The following CLYBL variants were observed in gnomAD, a reference collection of about 807,000 sequenced individuals.
The protein encoded by CLYBL is citramalyl-CoA lyase.
CLYBL carries 31 observed loss-of-function variants against 38.9 expected under a neutral mutation model. That is an observed-to-expected ratio of 0.80 (90% CI 0.60 to 1.08). The LOEUF is 1.08. Among genes scored for constraint, CLYBL ranks in the 50% least tolerant of loss-of-function variants. The probability of loss-of-function intolerance (pLI) is 0.00; values close to 1 mark genes in which losing one functional copy is unlikely to be tolerated. For missense variants in CLYBL, 434 were observed against 411.6 expected, an observed-to-expected ratio of 1.05 and a Z score of -0.47; for synonymous variants, 171 against 158.6, an observed-to-expected ratio of 1.08 and a Z score of -0.59.
intron 1 of CLYBL, among the ~76,000 whole-genome samples, chr13:99,676,701 C>T (rs2047658289): frequency 6.6e-6 from 1 of 152,054 alleles, no homozygotes; most frequent in African/African-American, 2.4e-5. Context: ...TCAAGCGATT[C>T]TCCTGCCTCA....
At chr13:99,670,263 G>A (rs988453926) in intron 1 of CLYBL, among the ~76,000 whole-genome samples, 3 of 152,116 alleles carry the variant, frequency 2.0e-5, no homozygotes, top group Admixed American at 6.6e-5. Context: ...AGACTGAGGT[G>A]GGAGGATCAC....
intron 1 of CLYBL, among the ~76,000 whole-genome samples, chr13:99,631,164 A>G (rs2139233620): frequency 6.6e-6 from 1 of 152,278 alleles, no homozygotes; most frequent in Non-Finnish European, 1.5e-5. Context: ...TCCACAAAAA[A>G]TAGAAAAATT....
At chr13:99,875,163 A>G (rs1566363427) in intron 7 of CLYBL, among the ~76,000 whole-genome samples, 1 of 152,216 alleles carries the variant, frequency 6.6e-6, no homozygotes, top group African/African-American at 2.4e-5. Flanking sequence ...TCTAGGTTCA[A>G]TTAACAATTA....
intron 1 of CLYBL, among the ~76,000 whole-genome samples, chr13:99,716,494 C>T (rs866086093): frequency 2.7e-5 from 4 of 150,746 alleles, no homozygotes; most frequent in Non-Finnish European, 5.9e-5. Context: ...AATGATTCTC[C>T]TGCCTAAGCC....
intron 1 of CLYBL, among the ~76,000 whole-genome samples, chr13:99,768,469 AG>A (rs2049314848): frequency 7.1e-6 from 1 of 141,106 alleles, no homozygotes; most frequent in South Asian, 2.3e-4. Context: ...CTGGGATTAC[AG>A]GTGTGAGCCA....
chr13:99,817,204 G>A (rs1217098266), intron 2 of CLYBL, among the ~76,000 whole-genome samples: 1 of 152,130 alleles, frequency 6.6e-6, no homozygotes, highest in East Asian at 1.9e-4. Context: ...CTTAGATGTA[G>A]AACAACTCTC....
chr13:99,806,422 T>C (rs1031376755), intron 2 of CLYBL, among the ~76,000 whole-genome samples: 1 of 152,252 alleles, frequency 6.6e-6, no homozygotes, highest in African/African-American at 2.4e-5. Flanking sequence ...TTCATATGTA[T>C]TTTGTCTCAT....
intron 1 of CLYBL, among the ~76,000 whole-genome samples, chr13:99,754,903 T>TC (rs1491311971): frequency 7.3e-6 from 1 of 137,318 alleles, no homozygotes; most frequent in Admixed American, 7.3e-5. Context: ...AGATGATCTC[T>TC]TTTTTTTTTT....
chr13:99,710,881 C>CTTTT (rs748011707), intron 1 of CLYBL, among the ~76,000 whole-genome samples: 11 of 83,872 alleles, frequency 1.3e-4, no homozygotes, highest in Non-Finnish European at 2.3e-4. Flanking sequence ...TTTCTAACCC[C>CTTTT]TTTTTTTTTT....
chr13:99,840,953 A>G (rs1176390515), intron 2 of CLYBL, among the ~76,000 whole-genome samples: 1 of 152,012 alleles, frequency 6.6e-6, no homozygotes, highest in African/African-American at 2.4e-5. Context: ...CACCTAAACC[A>G]TAACAGCAGC....
chr13:99,684,332 AC>A (rs1292035554), intron 1 of CLYBL, among the ~76,000 whole-genome samples: 2 of 150,098 alleles, frequency 1.3e-5, no homozygotes, highest in Non-Finnish European at 3.0e-5. Context: ...GGTGCGTGCC[AC>A]CACACCCAGT....
In CLYBL at chr13:99,723,664, C is replaced by G. The variant is rs190379962; in HGVS notation, c.63-49160C>G. On this transcript the variant is annotated intron_variant, in intron 1 of 8. Coordinates refer to ENST00000339105, the MANE Select transcript of CLYBL (RefSeq NM_206808.5). ...GTATCCATGTTCCCATCCATGGGCA[C>G]ACGGGCATCTTCAGTGCCCCTTAGT... Among the ~76,000 whole-genome samples, 132 of 152,320 alleles carry G rather than the reference C, an allele frequency of 8.7e-4. 2 individuals are homozygous for G. Among genetic ancestry groups the G allele is most frequent in the Non-Finnish European group, 3.2e-4 (22 of 68,030 alleles).
chr13:99,800,978 T>A (rs936789089), intron 2 of CLYBL, among the ~76,000 whole-genome samples: 7 of 151,258 alleles, frequency 4.6e-5, no homozygotes, highest in South Asian at 2.1e-4. Flanking sequence ...GATAAAATCA[T>A]CTGAGTCTTT....
intron 1 of CLYBL, among the ~76,000 whole-genome samples, chr13:99,689,573 G>C (rs1250871602): frequency 6.6e-6 from 1 of 152,210 alleles, no homozygotes; most frequent in Non-Finnish European, 1.5e-5. Flanking sequence ...AGTCATATCT[G>C]TAAATGAGAG....
intron 2 of CLYBL, among the ~76,000 whole-genome samples, chr13:99,843,429 G>A (rs1263399304): frequency 6.6e-6 from 1 of 151,998 alleles, no homozygotes; most frequent in Non-Finnish European, 1.5e-5. Flanking sequence ...GTCTACAATT[G>A]TTTATTGGCT....
intron 1 of CLYBL, among the ~76,000 whole-genome samples, chr13:99,687,638 C>T (rs199800222): frequency 1.3e-5 from 2 of 152,300 alleles, no homozygotes; most frequent in East Asian, 3.9e-4. Flanking sequence ...AACCAAAAGA[C>T]ATAAGGGACT....
intron 6 of CLYBL, among the ~76,000 whole-genome samples, chr13:99,868,890 G>A (rs184376495): frequency 4.3e-4 from 66 of 152,232 alleles, no homozygotes; most frequent in East Asian, 5.8e-4. Flanking sequence ...AGACAAAAAT[G>A]ACACCATCAT....
In CLYBL at chr13:99,748,541, G is replaced by C. The variant is rs548769940; in HGVS notation, c.63-24283G>C. On this transcript the variant is annotated intron_variant, in intron 1 of 8. Transcript: ENST00000339105. Reference sequence around the variant, plus strand: ...TGCAACCTCCGCCTCCCCGGTTCAAGCGATTCTCCTGCCTCAGCCTCCTGA... The same window carrying C: ...TGCAACCTCCGCCTCCCCGGTTCAACCGATTCTCCTGCCTCAGCCTCCTGA... Among the ~76,000 whole-genome samples, 248 of 138,416 alleles carry C rather than the reference G, an allele frequency of 1.8e-3. 1 individual carries two copies. Among genetic ancestry groups the C allele is most frequent in the Non-Finnish European group, 3.2e-3 (213 of 65,940 alleles). The allele number at this position is 138,416 out of a possible 152,430, so 90.8% of individuals were successfully genotyped here.
Position 99,872,452 on chromosome 13 carries a change from G to A in CLYBL, c.927+1390G>A, listed in dbSNP as rs895791143. Among the ~76,000 whole-genome samples, 14 of 152,226 alleles carry A rather than the reference G, an allele frequency of 9.2e-5. No individual in the cohort carries two copies. In the South Asian group the frequency reaches 1.2e-3, roughly 14 times the overall value. On this transcript the variant is annotated intron_variant, in intron 7 of 8. Transcript: ENST00000339105. Reference sequence around the variant, plus strand: ...ATGAGTAAATCTATTCACCTAGAACGAAGAGCCACGGACTCTCATTCACAT... The same window carrying A: ...ATGAGTAAATCTATTCACCTAGAACAAAGAGCCACGGACTCTCATTCACAT...
Sources: gnomAD v4.1 joint callset for allele counts (sites outside exome capture counted in the v4.1 genomes callset) on GRCh38, gnomAD v4.1.1 for gene constraint, MANE v1.5 for transcripts, NCBI Gene and HGNC (gene_info 2026-07-23, HGNC 2026-07-21) for gene names.